The following PRAMEF11 variants were observed in gnomAD, a reference collection of about 807,000 sequenced individuals.
PRAMEF11 encodes the protein PRAME family member 11.
Under a neutral mutation model 33.6 loss-of-function variants are expected in PRAMEF11, and 17 were observed. The ratio of observed to expected loss-of-function variants is 0.51; its 90% confidence interval spans 0.35 to 0.76. The LOEUF (loss-of-function observed/expected upper bound fraction) is 0.76. PRAMEF11 is among the 30% of genes least tolerant of loss of function. The probability of loss-of-function intolerance (pLI) is 0.01; values close to 1 mark genes in which losing one functional copy is unlikely to be tolerated. For missense variants in PRAMEF11, 568 were observed against 567.0 expected, an observed-to-expected ratio of 1.00 and a Z score of -0.02; for synonymous variants, 205 against 227.3, an observed-to-expected ratio of 0.90 and a Z score of 0.88.
chr1:12,830,497 T>C (rs1438919346), intron 1 of PRAMEF11, among the ~76,000 whole-genome samples: 2 of 151,240 alleles, frequency 1.3e-5, no homozygotes, highest in Admixed American at 6.6e-5. Flanking sequence ...AAAATTAAGG[T>C]CAAAGATCCT....
Position 12,828,805 on chromosome 1 carries a change from A to T in PRAMEF11, c.-16T>A. On this transcript the variant is annotated splice_region_variant and 5_prime_UTR_variant, in exon 2 of 4. Coordinates refer to ENST00000619922, the MANE Select transcript of PRAMEF11 (RefSeq NM_001146344.3). ...TCATCTTCATGAATCTGCAGGGAAA[A>T]CTTCCAGAGGACAAACCCAGAGAAA... 1 of 1,608,730 alleles carries T rather than the reference A, an allele frequency of 6.2e-7. No homozygotes were observed. The highest frequency in any genetic ancestry group is 8.5e-7 in the Non-Finnish European group (1 of 1,177,880).
Position 12,827,319 on chromosome 1 carries a change from G to T in PRAMEF11, c.805C>A (p.Leu269Met). 6.3e-7 allele frequency: 1 copy of T among 1,598,558 alleles called. No individual in the cohort carries two copies. ...VTQFTTQFLK[L>M]RCLQKLYMNS... ...ATATAAAGCTTTTGGAGGCAGCGCA[G>T]CTTGAGGAACTGAGTGGTGAACTGG... Residue 269 changes from leucine to methionine, a missense_variant, in exon 3 of 4, where the codon CTG (leucine) becomes ATG (methionine). This residue lies in a region of PRAMEF11 where 52 missense variants were observed against 127.8 expected (regional missense o/e 0.41). Coordinates refer to ENST00000619922, the MANE Select transcript of PRAMEF11 (RefSeq NM_001146344.3).
rs1221071614 is a variant in PRAMEF11, at chr1:12,825,117, C to G, written c.1262G>C (p.Ser421Thr). 9 of 1,609,534 alleles carry G rather than the reference C, an allele frequency of 5.6e-6. 1 individual carries two copies. In the African/African-American group the frequency reaches 6.7e-5, roughly 12 times the overall value. ...CLELYPAPQESYGADGTLCWS... is the reference protein window; with the variant it reads ...CLELYPAPQETYGADGTLCWS... Reference sequence around the variant, plus strand: ...GCAGAGAGTACCATCAGCACCATAACTTTCCTGCGGGGCAGGATACAGCTC... The same window carrying G: ...GCAGAGAGTACCATCAGCACCATAAGTTTCCTGCGGGGCAGGATACAGCTC... The change falls in exon 4 of 4, where the codon AGT (serine) becomes ACT (threonine). Residue 421 changes from serine to threonine, a missense_variant. Coordinates refer to ENST00000619922, the MANE Select transcript of PRAMEF11 (RefSeq NM_001146344.3).
In PRAMEF11 at chr1:12,828,362, A is replaced by T. The variant is rs1336450937; in HGVS notation, c.293+135T>A. The T allele has an allele frequency of 1.1e-5, 16 of 1,414,406 alleles. 1 individual carries two copies. The highest frequency in any genetic ancestry group is 1.4e-5 in the Non-Finnish European group (15 of 1,037,630). 87.6% of individuals were successfully genotyped at this position (1,414,406 alleles called of 1,614,324 possible). Reference sequence around the variant, plus strand: ...CTGGTGAGCAGTGCTTTCCCTGAGGAGCTGGTGAATGGCCAAGTCCTCTCG... The same window carrying T: ...CTGGTGAGCAGTGCTTTCCCTGAGGTGCTGGTGAATGGCCAAGTCCTCTCG... On this transcript the variant is annotated intron_variant, in intron 2 of 3. Coordinates refer to ENST00000619922, the MANE Select transcript of PRAMEF11 (RefSeq NM_001146344.3).
intron 1 of PRAMEF11, among the ~76,000 whole-genome samples, chr1:12,830,715 C>A (rs1205771125): frequency 6.6e-6 from 1 of 150,544 alleles, no homozygotes; most frequent in Non-Finnish European, 1.5e-5. Flanking sequence ...AGGCCAAGCA[C>A]CAGTGACTCA....
At chr1:12,827,032 C>T (rs1354167170) in intron 3 of PRAMEF11, among the ~76,000 whole-genome samples, 1 of 151,234 alleles carries the variant, frequency 6.6e-6, no homozygotes, top group Non-Finnish European at 1.5e-5. Flanking sequence ...ATGGCAGCCT[C>T]TCTATAGCAT....
chr1:12,829,977 T>C (rs1639972162), intron 1 of PRAMEF11, among the ~76,000 whole-genome samples: 1 of 151,462 alleles, frequency 6.6e-6, no homozygotes, highest in Non-Finnish European at 1.5e-5. Context: ...TAGATATTCA[T>C]CCATCAAAAT....
intron 1 of PRAMEF11, among the ~76,000 whole-genome samples, chr1:12,830,652 G>T: frequency 6.6e-6 from 1 of 150,410 alleles, no homozygotes; most frequent in Non-Finnish European, 1.5e-5. Context: ...CCAAATAGCT[G>T]GGACTACAGA....
Position 12,824,926 on chromosome 1 carries a change from C to G in PRAMEF11, c.*16G>C, listed in dbSNP as rs776263464. 1.2e-6 allele frequency: 2 copies of G among 1,608,442 alleles called. No individual in the cohort carries two copies. The highest frequency in any genetic ancestry group is 1.1e-5 in the South Asian group (1 of 90,354). On this transcript the variant is annotated 3_prime_UTR_variant, in exon 4 of 4. Transcript: ENST00000619922. ...AGAAGAAAGCGTTTGACATACCCAT[C>G]CAAATAGGCAGGCATTCAACAGCAG...
Position 12,825,147 on chromosome 1 carries a change from C to A in PRAMEF11, c.1232G>T (p.Cys411Phe). Reference sequence around the variant, plus strand: ...CTGCGGGGCAGGATACAGCTCCAGGCATAAGTTTTTGAGTATGATTGTGTG... The same window carrying A: ...CTGCGGGGCAGGATACAGCTCCAGGAATAAGTTTTTGAGTATGATTGTGTG... ...LSHTIILKNLCLELYPAPQES... is the reference protein window; with the variant it reads ...LSHTIILKNLFLELYPAPQES... The change falls in exon 4 of 4, where the codon TGC (cysteine) becomes TTC (phenylalanine). Residue 411 changes from cysteine (C) to phenylalanine (F), a missense_variant. Cys to Phe is a radical substitution (Grantham distance 205). Around this residue, in one of 3 missense-constraint regions of PRAMEF11, gnomAD observed 174 missense variants for 127.2 expected, o/e 1.37. Coordinates refer to ENST00000619922, the MANE Select transcript of PRAMEF11 (RefSeq NM_001146344.3). 1.9e-6 allele frequency: 3 copies of A among 1,609,160 alleles called. No homozygotes were observed. The highest frequency in any genetic ancestry group is 2.5e-6 in the Non-Finnish European group (3 of 1,177,744).
intron 1 of PRAMEF11, 115 bp from the exon 2 acceptor site, chr1:12,828,920 T>C: frequency 1.4e-6 from 2 of 1,457,012 alleles, no homozygotes; most frequent in Non-Finnish European, 1.9e-6. Flanking sequence ...GCCCTCAGTT[T>C]ACTCCAATTC....
chr1:12,831,067 T>C (rs1639996029), intron 1 of PRAMEF11, among the ~76,000 whole-genome samples: 1 of 150,086 alleles, frequency 6.7e-6, no homozygotes, highest in Admixed American at 6.7e-5. Context: ...CTCAAACCCC[T>C]GGGCTGAAAT....
Position 12,827,601 on chromosome 1 carries a change from G to C in PRAMEF11, c.523C>G (p.Gln175Glu), listed in dbSNP as rs573410367. 2 of 1,609,432 alleles carry C rather than the reference G, an allele frequency of 1.2e-6. No homozygotes were observed. The highest frequency in any genetic ancestry group is 2.3e-5 in the East Asian group (1 of 44,382). ...CACAGGTGTAGTAAATCTCTCCTCT[G>C]CTTGACCCATAGAAGGAGGCAGGTG... Reference protein sequence around the residue: ...YLTCLLLWVKQRRDLLHLCCK... With the variant: ...YLTCLLLWVKERRDLLHLCCK... The change falls in exon 3 of 4, where the codon CAG (glutamine) becomes GAG (glutamate). Residue 175 changes from glutamine to glutamate, a missense_variant. Gln to Glu is a conservative substitution (Grantham distance 29). Coordinates refer to ENST00000619922, the MANE Select transcript of PRAMEF11 (RefSeq NM_001146344.3).
In PRAMEF11 at chr1:12,831,377, A is replaced by G. The variant is rs1212368665; in HGVS notation, c.-38T>C. 6 of 149,696 alleles carry G rather than the reference A, an allele frequency of 4.0e-5. No individual in the cohort carries two copies. Among genetic ancestry groups the G allele is most frequent in the African/African-American group, 1.5e-4 (6 of 41,220 alleles). The allele number at this position is 149,696 out of a possible 1,614,324, so 9.3% of individuals were successfully genotyped here. A position where few individuals can be genotyped will look rare whatever the true frequency, so the allele number is the denominator to read the frequency against. On this transcript the variant is annotated 5_prime_UTR_variant, in exon 1 of 4. Transcript: ENST00000619922. Reference sequence around the variant, plus strand: ...TTACCAGATCTGGATGTAGTCTAGAAGGTGCTCAGACCTCAGGAAGAACCA... The same window carrying G: ...TTACCAGATCTGGATGTAGTCTAGAGGGTGCTCAGACCTCAGGAAGAACCA...
rs766673377 is a variant in PRAMEF11, at chr1:12,828,691, C to A, written c.99G>T (p.Leu33=). The A allele has an allele frequency of 1.2e-6, 2 of 1,610,376 alleles. No individual in the cohort carries two copies. The highest frequency in any genetic ancestry group is 1.7e-5 in the Admixed American group (1 of 59,750). The change falls in exon 2 of 4, where the codon CTG becomes CTT. Residue 33 remains leucine, a synonymous_variant. Coordinates refer to ENST00000619922, the MANE Select transcript of PRAMEF11 (RefSeq NM_001146344.3). The stretch of plus-strand genomic sequence containing the variant: ...ACAGTGGGGGGAAAAGTTCCGTGGG[C>A]AGCTCCTCCAGGGTGGAGACGGCCA... ...QALAVSTLEE[L]PTELFPPLFM...
Position 12,825,250 on chromosome 1 carries a change from T to C in PRAMEF11, c.1129A>G (p.Ser377Gly). 6.2e-7 allele frequency: 1 copy of C among 1,606,442 alleles called. No individual in the cohort carries two copies. Among genetic ancestry groups the C allele is most frequent in the Non-Finnish European group, 8.5e-7 (1 of 1,177,244 alleles). The change falls in exon 4 of 4, where the codon AGC becomes GGC. Residue 377 changes from serine (S) to glycine (G), a missense_variant. Transcript: ENST00000619922. ...AAGGTGTTGAGCTCAAAGCAGCGGC[T>C]CAGGGCAGGCAGGATGGCGTTGACT... ...SQVNAILPAL[S>G]RCFELNTFSF... is the part of the protein sequence containing the mutation.
intron 3 of PRAMEF11, 85 bp from the exon 4 acceptor site, chr1:12,825,588 G>A (rs1569781567): frequency 1.6e-6 from 1 of 607,332 alleles, no homozygotes; most frequent in Non-Finnish European, 2.8e-6. Context: ...GGTAATGGAT[G>A]GAGACCATTT....
At chr1:12,829,152 T>C (rs1156450714) in intron 1 of PRAMEF11, among the ~76,000 whole-genome samples, 2 of 151,386 alleles carry the variant, frequency 1.3e-5, no homozygotes, top group Non-Finnish European at 2.9e-5. Flanking sequence ...AATGGGAGTG[T>C]CACAAGCCTA....
intron 3 of PRAMEF11, among the ~76,000 whole-genome samples, chr1:12,825,904 G>C (rs1027192326): frequency 6.7e-6 from 1 of 150,242 alleles, no homozygotes; most frequent in East Asian, 2.0e-4. Context: ...AACCCAGGAG[G>C]TGTAGGTTGC....
Sources: gnomAD v4.1 joint callset for allele counts (sites outside exome capture counted in the v4.1 genomes callset) on GRCh38, gnomAD v4.1.1 for gene constraint, gnomAD v4.1.1 regional missense constraint, MANE v1.5 for transcripts, NCBI Gene and HGNC (gene_info 2026-07-23, HGNC 2026-07-21) for gene names.